FSTL5: variants seen among roughly 807,000 people sequenced by gnomAD.
FSTL5 encodes follistatin like 5, also known as follistatin-related protein 5.
Under a neutral mutation model 89.1 loss-of-function variants are expected in FSTL5, and 62 were observed. That is an observed-to-expected ratio of 0.70 (90% CI 0.57 to 0.86). The LOEUF is 0.86. Ranked by LOEUF, FSTL5 falls within the 40% of genes least tolerant of loss-of-function variation. The probability of loss-of-function intolerance (pLI) is 0.00; values close to 1 mark genes in which losing one functional copy is unlikely to be tolerated. For missense variants in FSTL5, 1,057 were observed against 1,001.6 expected (o/e 1.06, Z -0.75); for synonymous variants, 383 against 346.2 (o/e 1.11, Z -1.18).
At chr4:161,916,198 G>A (rs1733833489) in intron 4 of FSTL5, among the ~76,000 whole-genome samples, 1 of 152,182 alleles carries the variant, frequency 6.6e-6, no homozygotes, top group Non-Finnish European at 1.5e-5. Flanking sequence ...TAAGTGCACA[G>A]AACATTTACC....
At chr4:161,807,228 C>CACACACACACACAT (rs1415201641) in intron 4 of FSTL5, among the ~76,000 whole-genome samples, 5 of 140,456 alleles carry the variant, frequency 3.6e-5, no homozygotes, top group African/African-American at 7.6e-5. Flanking sequence ...CACACACACA[C>CACACACACACACAT]ATATATATTT....
intron 15 of FSTL5, chr4:161,387,978 A>G (rs528411470): frequency 6.6e-6 from 1 of 152,208 alleles, no homozygotes; most frequent in South Asian, 2.1e-4. Flanking sequence ...CACTGGGAAT[A>G]TATTGCAGAT....
chr4:161,788,056 T>C lies in FSTL5; in HGVS notation c.410-11982A>G, dbSNP rs537361417. Among the ~76,000 whole-genome samples, 9 of 152,334 alleles carry C rather than the reference T, an allele frequency of 5.9e-5. No homozygotes were observed. In the South Asian group the frequency reaches 1.9e-3, roughly 32 times the overall value. ...TGCATAAACAGCAGAGGATAATTAC[T>C]TAAGTATTTGCCCTTTTCATGTATG... On this transcript the variant is annotated intron_variant, in intron 4 of 15. Coordinates refer to ENST00000306100, the MANE Select transcript of FSTL5 (RefSeq NM_020116.5).
intron 7 of FSTL5, among the ~76,000 whole-genome samples, chr4:161,601,620 G>T (rs1014029229): frequency 2.0e-5 from 3 of 152,200 alleles, no homozygotes; most frequent in Admixed American, 1.3e-4. Context: ...ACTACCCTTG[G>T]TAGAGGGACA....
At chr4:161,558,938 C>A (rs770542261) in intron 8 of FSTL5, among the ~76,000 whole-genome samples, 36 of 151,854 alleles carry the variant, frequency 2.4e-4, no homozygotes, top group Middle Eastern at 3.2e-3. Context: ...TCAGTTTAGG[C>A]CTTCACTATT....
intron 4 of FSTL5, among the ~76,000 whole-genome samples, chr4:161,793,691 C>T (rs1477850602): frequency 6.6e-6 from 1 of 152,000 alleles, no homozygotes; most frequent in African/African-American, 2.4e-5. Flanking sequence ...TCACTGTAAC[C>T]TCCACCTCCT....
At chr4:161,413,184 A>C (rs1440339064) in intron 15 of FSTL5, among the ~76,000 whole-genome samples, 1 of 148,854 alleles carries the variant, frequency 6.7e-6, no homozygotes, top group African/African-American at 2.5e-5. Flanking sequence ...TAATATTCAG[A>C]ATCTATAGGG....
intron 6 of FSTL5, among the ~76,000 whole-genome samples, chr4:161,710,000 C>T (rs988533239): frequency 3.9e-5 from 6 of 151,992 alleles, no homozygotes; most frequent in Admixed American, 3.3e-4. Context: ...ACAGGATCTC[C>T]CTCTGTCACC....
chr4:161,968,644 C>T (rs1353814167), intron 3 of FSTL5, among the ~76,000 whole-genome samples: 1 of 151,880 alleles, frequency 6.6e-6, no homozygotes, highest in East Asian at 1.9e-4. Context: ...ACAACCATTC[C>T]TTTGATATAT....
At chr4:162,093,203 A>G (rs1730617158) in intron 2 of FSTL5, among the ~76,000 whole-genome samples, 1 of 152,138 alleles carries the variant, frequency 6.6e-6, no homozygotes, top group Non-Finnish European at 1.5e-5. Context: ...TACAATAGAT[A>G]CAAAGAAAAA....
intron 4 of FSTL5, among the ~76,000 whole-genome samples, chr4:161,801,640 T>G (rs1358805860): frequency 6.6e-6 from 1 of 151,374 alleles, no homozygotes; most frequent in East Asian, 1.9e-4. Flanking sequence ...GACTGATACA[T>G]TCTTGTAAAA....
At chr4:161,413,282 AAT>A (rs1491021991) in intron 15 of FSTL5, among the ~76,000 whole-genome samples, 26 of 9,186 alleles carry the variant, frequency 2.8e-3, no homozygotes, top group African/African-American at 6.7e-3. Flanking sequence ...AAAAAAAAAA[AAT>A]AAAGACACAC....
chr4:161,680,248 A>C (rs1560786079), intron 6 of FSTL5, among the ~76,000 whole-genome samples: 2 of 151,850 alleles, frequency 1.3e-5, no homozygotes, highest in Non-Finnish European at 3.0e-5. Flanking sequence ...TACAAAGTGC[A>C]ATGTCATATA....
At chr4:161,570,591 G>A (rs534714124) in intron 8 of FSTL5, among the ~76,000 whole-genome samples, 17 of 152,112 alleles carry the variant, frequency 1.1e-4, no homozygotes, top group Admixed American at 2.0e-4. Flanking sequence ...GACTTCATAA[G>A]CATGAAGTTG....
chr4:162,162,643 G>T (rs1197340377), intron 1 of FSTL5, among the ~76,000 whole-genome samples: 2 of 152,154 alleles, frequency 1.3e-5, no homozygotes, highest in African/African-American at 2.4e-5. Flanking sequence ...GTATTGTTCA[G>T]TCGTTTTCCA....
At chr4:162,033,528 T>C (rs961024736) in intron 3 of FSTL5, 97 bp downstream of exon 3, 1 of 646,858 alleles carries the variant, frequency 1.5e-6, no homozygotes, top group Non-Finnish European at 2.6e-6. Context: ...ATCATTATTT[T>C]CTCATTTTTG....
At chr4:161,577,513 A>G (rs1275631518) in intron 8 of FSTL5, among the ~76,000 whole-genome samples, 1 of 151,264 alleles carries the variant, frequency 6.6e-6, no homozygotes, top group Non-Finnish European at 1.5e-5. Flanking sequence ...GTGGTGTATA[A>G]TTGTCTTGGC....
At chr4:161,987,334 G>A (rs1432536630) in intron 3 of FSTL5, among the ~76,000 whole-genome samples, 1 of 151,518 alleles carries the variant, frequency 6.6e-6, no homozygotes, top group East Asian at 1.9e-4. Context: ...ATCTCTTTTA[G>A]TGGGCTTTCA....
chr4:161,550,513 T>C (rs1206467014), intron 8 of FSTL5, among the ~76,000 whole-genome samples: 1 of 150,850 alleles, frequency 6.6e-6, no homozygotes, highest in Non-Finnish European at 1.5e-5. Context: ...AACAAATAAC[T>C]TTTTTTTGTA....
Sources: allele counts gnomAD v4.1 joint callset (sites outside exome capture counted in the v4.1 genomes callset), GRCh38; gene constraint gnomAD v4.1.1; transcripts MANE v1.5; gene names NCBI Gene and HGNC (gene_info 2026-07-23, HGNC 2026-07-21).